CASZ1: variants seen among roughly 807,000 people sequenced by gnomAD.
The protein encoded by CASZ1 is castor zinc finger 1.
A neutral mutation model predicts 135.2 loss-of-function variants in CASZ1; 28 were observed. The observed-to-expected ratio is 0.21, with a 90% CI of 0.15 to 0.28. CASZ1 has a LOEUF of 0.28. Ranked by LOEUF, CASZ1 falls within the 10% of genes least tolerant of loss-of-function variation. The probability of loss-of-function intolerance (pLI) is 1.00; values close to 1 mark genes in which losing one functional copy is unlikely to be tolerated. For synonymous variants in CASZ1, 1,068 were observed against 1,073.4 expected (o/e 0.99, Z 0.10); for missense variants, 2,161 against 2,453.3 (o/e 0.88, Z 2.52).
At chr1:10,698,541 T>C (rs1372703378) in intron 3 of CASZ1, among the ~76,000 whole-genome samples, 3 of 139,590 alleles carry the variant, frequency 2.1e-5, no homozygotes, top group Non-Finnish European at 4.6e-5. Flanking sequence ...CACATCCTTA[T>C]ATTTCAGAGA....
At position 10,779,279 on chromosome 1, in the gene CASZ1, AT is replaced by A. The variant is rs386366223; in HGVS notation, c.-234+17284del. Among the ~76,000 whole-genome samples, 901 of 125,216 alleles carry A rather than the reference AT, an allele frequency of 7.2e-3. 9 individuals carry two copies. The highest frequency in any genetic ancestry group is 0.02 in the African/African-American group (632 of 32,222). The allele number at this position is 125,216 out of a possible 152,430, so 82.1% of individuals were successfully genotyped here. A position where few individuals can be genotyped will look rare whatever the true frequency, so the allele number is the denominator to read the frequency against. Reference sequence around the variant, plus strand: ...GTACAAACTATCTCATAATTTTATAATTTTTTTTTTTTTTTTTTTTTTAGCA... The same window carrying A: ...GTACAAACTATCTCATAATTTTATAATTTTTTTTTTTTTTTTTTTTTAGCA... On this transcript the variant is annotated intron_variant, in intron 1 of 20. Coordinates refer to ENST00000377022, the MANE Select transcript of CASZ1 (RefSeq NM_001079843.3).
At chr1:10,736,470 G>GT (rs1200655982) in intron 2 of CASZ1, among the ~76,000 whole-genome samples, 1 of 152,204 alleles carries the variant, frequency 6.6e-6, no homozygotes, top group Non-Finnish European at 1.5e-5. Flanking sequence ...CGGGCTTGTT[G>GT]TTTTTAACCT....
chr1:10,675,544 G>A (rs979930340), intron 4 of CASZ1, among the ~76,000 whole-genome samples: 7 of 152,046 alleles, frequency 4.6e-5, no homozygotes, highest in African/African-American at 7.2e-5. Context: ...CCAGTGCCTC[G>A]GTCACATCCG....
chr1:10,714,544 GCACCCCCCGCCACCAC>G (rs893098875), intron 2 of CASZ1, among the ~76,000 whole-genome samples: 1 of 152,186 alleles, frequency 6.6e-6, no homozygotes, highest in Non-Finnish European at 1.5e-5. Flanking sequence ...GTGCTGACGG[GCACCCCCCGCCACCAC>G]CACTGGGCTG....
intron 2 of CASZ1, among the ~76,000 whole-genome samples, chr1:10,744,856 C>A (rs1640010114): frequency 1.3e-5 from 2 of 152,140 alleles, no homozygotes; most frequent in Admixed American, 6.5e-5. Flanking sequence ...CGTGACCTCA[C>A]CAGAGCACAC....
intron 11 of CASZ1, chr1:10,652,988 C>CA (rs1642644774): frequency 3.5e-6 from 1 of 283,566 alleles, no homozygotes; most frequent in African/African-American, 2.3e-5. Context: ...TGCTCCAGGT[C>CA]AGCTGGAGGA....
In CASZ1 at chr1:10,765,254, C is replaced by T. The variant is rs184050897; in HGVS notation, c.-233-4397G>A. Among the ~76,000 whole-genome samples the T allele has an allele frequency of 3.4e-4, 51 of 151,880 alleles. 1 individual carries two copies. In the East Asian group the frequency reaches 9.3e-3, roughly 28 times the overall value. ...GAAGTGGTAGGGAAAGATTTCTATC[C>T]GAGAGGGTACGTGGTGGAAGATAAG... On this transcript the variant is annotated intron_variant, in intron 1 of 20. Transcript: ENST00000377022.
chr1:10,639,090 TCG>T lies in CASZ1; in HGVS notation c.5130_5131del (p.Asp1710GlufsTer116). Reference sequence around the variant, plus strand: ...CGAGTCGGTGCGCAGGTCCTCGTCGTCGTCGTCCTCGTCGTCGTCCTCGTCGT... The same window carrying T: ...CGAGTCGGTGCGCAGGTCCTCGTCGTTCGTCCTCGTCGTCGTCCTCGTCGT... On this transcript the variant is annotated frameshift_variant, in exon 21 of 21. Coordinates refer to ENST00000377022, the MANE Select transcript of CASZ1 (RefSeq NM_001079843.3). LOFTEE classifies it high-confidence loss of function. This position sits in a 1 kb window ranked among gnomAD's most constrained non-coding sequence, Gnocchi z 4.0. 9.0e-7 allele frequency: 1 copy of T among 1,117,160 alleles called. No homozygotes were observed. The allele number at this position is 1,117,160 out of a possible 1,614,324, so 69.2% of individuals were successfully genotyped here. A position where few individuals can be genotyped will look rare whatever the true frequency, so the allele number is the denominator to read the frequency against.
At chr1:10,758,863 G>C (rs1640309499) in intron 2 of CASZ1, among the ~76,000 whole-genome samples, 1 of 152,172 alleles carries the variant, frequency 6.6e-6, no homozygotes, top group Admixed American at 6.5e-5. Context: ...AGTGAGGAGG[G>C]ACTTGGCCAT....
At chr1:10,729,096 A>G (rs1341192860) in intron 2 of CASZ1, among the ~76,000 whole-genome samples, 2 of 54,878 alleles carry the variant, frequency 3.6e-5, no homozygotes, top group Non-Finnish European at 7.9e-5. Context: ...GGGGAAGGGG[A>G]GTGGGGAGGA....
chr1:10,674,472 G>A (rs1278057327), intron 4 of CASZ1, among the ~76,000 whole-genome samples: 1 of 152,290 alleles, frequency 6.6e-6, no homozygotes, highest in African/African-American at 2.4e-5. Flanking sequence ...GGGCACCTGG[G>A]CTTTGGCAAC....
intron 4 of CASZ1, among the ~76,000 whole-genome samples, chr1:10,671,659 G>A (rs1643403560): frequency 6.6e-6 from 1 of 152,220 alleles, no homozygotes; most frequent in African/African-American, 2.4e-5. Context: ...CCCCAGGTGG[G>A]CACTTGGCAG....
rs923836186 is a variant in CASZ1, at chr1:10,647,554, C to G, written c.3497+247G>C. On this transcript the variant is annotated intron_variant, in intron 16 of 20. Coordinates refer to ENST00000377022, the MANE Select transcript of CASZ1 (RefSeq NM_001079843.3). The surrounding 1 kb of genome is among the most constrained non-coding windows in gnomAD (Gnocchi z 4.9). ...CTGGCCCTGGCAGGATCACCACATG[C>G]CCTGCAGGAGCAGTAGCCACTGCCG... 75 of 1,393,344 alleles carry G rather than the reference C, an allele frequency of 5.4e-5. 1 individual carries two copies. The African/African-American group carries it at 1.0e-3, about 19-fold the overall frequency. The allele number at this position is 1,393,344 out of a possible 1,614,324, so 86.3% of individuals were successfully genotyped here. A position where few individuals can be genotyped will look rare whatever the true frequency, so the allele number is the denominator to read the frequency against.
chr1:10,644,444 C>A (rs972767096), intron 18 of CASZ1, among the ~76,000 whole-genome samples: 1 of 152,182 alleles, frequency 6.6e-6, no homozygotes, highest in Non-Finnish European at 1.5e-5. Flanking sequence ...TGTGACAGCA[C>A]CCAGCCTGGC....
chr1:10,669,738 C>CA (rs1643346415), intron 4 of CASZ1, among the ~76,000 whole-genome samples: 1 of 151,984 alleles, frequency 6.6e-6, no homozygotes, highest in Non-Finnish European at 1.5e-5. Context: ...CCCTGGGTCT[C>CA]AGAGTTGCTT....
chr1:10,667,840 G>A (rs572058467), intron 4 of CASZ1, among the ~76,000 whole-genome samples: 1 of 150,876 alleles, frequency 6.6e-6, no homozygotes, highest in African/African-American at 2.4e-5. Context: ...CCGCACTTTG[G>A]CCCACCCAGC....
rs1361480220 is a variant in CASZ1 at position 10,637,948 on chromosome 1, T to G, written c.*994A>C. ...GTCTCTACAAAATTCAAGTTAAGAG[T>G]TGGAATCACGCAGCTCCCATCAGTG... On this transcript the variant is annotated 3_prime_UTR_variant, in exon 21 of 21. Coordinates refer to ENST00000377022, the MANE Select transcript of CASZ1 (RefSeq NM_001079843.3). 1 of 151,856 alleles carries G rather than the reference T, an allele frequency of 6.6e-6. No individual in the cohort carries two copies. The highest frequency in any genetic ancestry group is 2.4e-5 in the African/African-American group (1 of 41,204). 9.4% of individuals were successfully genotyped at this position (151,856 alleles called of 1,614,324 possible).
intron 11 of CASZ1, 149 bp from the exon 12 acceptor site, chr1:10,651,225 A>G (rs1229825346): frequency 2.0e-6 from 1 of 500,958 alleles, no homozygotes; most frequent in Non-Finnish European, 3.2e-6. Flanking sequence ...ATCGCTCGCG[A>G]CGCTCGCTCC....
intron 1 of CASZ1, among the ~76,000 whole-genome samples, chr1:10,786,069 G>A (rs1488923200): frequency 1.3e-5 from 2 of 152,306 alleles, no homozygotes; most frequent in East Asian, 1.9e-4. Context: ...CTCCATCTGC[G>A]AGGCGCTCTC....
Sources: allele counts gnomAD v4.1 joint callset (sites outside exome capture counted in the v4.1 genomes callset), GRCh38; gene constraint gnomAD v4.1.1; non-coding constraint Gnocchi (gnomAD v3.1); transcripts MANE v1.5; gene names NCBI Gene and HGNC (gene_info 2026-07-23, HGNC 2026-07-21).